Variants in COL25A1 observed in about 807,000 individuals in gnomAD.
COL25A1 encodes collagen alpha-1(XXV) chain.
In COL25A1, 103 loss-of-function variants were observed where a neutral mutation model predicts 128.4. The ratio of observed to expected loss-of-function variants is 0.80; its 90% CI spans 0.68 to 0.94. The LOEUF (loss-of-function observed/expected upper bound fraction) is 0.94. COL25A1 is among the 40% of genes least tolerant of loss of function. COL25A1 has a pLI of 0.00. For synonymous variants in COL25A1, 279 were observed against 277.2 expected (o/e 1.01, Z -0.06); for missense variants, 745 against 840.0 (o/e 0.89, Z 1.40).
At chr4:109,176,039 T>G (rs1320259377) in intron 3 of COL25A1, among the ~76,000 whole-genome samples, 1 of 152,208 alleles carries the variant, frequency 6.6e-6, no homozygotes, top group Non-Finnish European at 1.5e-5. Context: ...CATTCATCTA[T>G]TCAGCACACA....
chr4:109,045,247 T>C (rs1198440798), intron 5 of COL25A1, among the ~76,000 whole-genome samples: 2 of 152,186 alleles, frequency 1.3e-5, no homozygotes, highest in South Asian at 4.1e-4. Flanking sequence ...TAGTAGGTTA[T>C]TGGTAGTAAC....
At chr4:109,253,904 G>A (rs1033900344) in intron 3 of COL25A1, among the ~76,000 whole-genome samples, 8 of 151,972 alleles carry the variant, frequency 5.3e-5, no homozygotes, top group South Asian at 2.1e-4. Context: ...TGGCTAACAC[G>A]GTGAAACCCT....
intron 3 of COL25A1, among the ~76,000 whole-genome samples, chr4:109,130,383 G>T (rs903594933): frequency 1.3e-5 from 2 of 152,000 alleles, no homozygotes; most frequent in African/African-American, 4.8e-5. Context: ...ATTATAAATA[G>T]TAATAGAAGG....
At chr4:109,042,081 C>T (rs1053797043) in intron 5 of COL25A1, among the ~76,000 whole-genome samples, 3 of 151,980 alleles carry the variant, frequency 2.0e-5, no homozygotes, top group Non-Finnish European at 4.4e-5. Flanking sequence ...AATTTTTTTA[C>T]TTTAACAGCC....
chr4:108,977,815 C>T (rs1752584734), intron 6 of COL25A1, among the ~76,000 whole-genome samples: 1 of 152,168 alleles, frequency 6.6e-6, no homozygotes. Context: ...ACGACCTCTA[C>T]AAAACTCAGC....
intron 3 of COL25A1, among the ~76,000 whole-genome samples, chr4:109,270,763 C>G (rs1026413498): frequency 6.6e-6 from 1 of 152,118 alleles, no homozygotes; most frequent in Non-Finnish European, 1.5e-5. Flanking sequence ...TGAGACTATA[C>G]TATGTGTCAG....
intron 3 of COL25A1, among the ~76,000 whole-genome samples, chr4:109,067,151 G>A (rs567697475): frequency 1.2e-4 from 19 of 152,178 alleles, no homozygotes; most frequent in Non-Finnish European, 2.4e-4. Context: ...GTCCCAAGAG[G>A]GAACTCTTTT....
intron 3 of COL25A1, among the ~76,000 whole-genome samples, chr4:109,091,128 G>T (rs561709913): frequency 6.6e-6 from 1 of 152,252 alleles, no homozygotes; most frequent in South Asian, 2.1e-4. Context: ...TCAGAATAAA[G>T]TCTAGTCAAC....
chr4:109,232,162 C>T (rs1042133170), intron 3 of COL25A1, among the ~76,000 whole-genome samples: 1 of 151,998 alleles, frequency 6.6e-6, no homozygotes, highest in African/African-American at 2.4e-5. Flanking sequence ...ATCCTAAGTA[C>T]AAAAATCAAT....
chr4:109,299,480 T>A (rs1725306478), intron 3 of COL25A1, among the ~76,000 whole-genome samples: 1 of 152,178 alleles, frequency 6.6e-6, no homozygotes, highest in African/African-American at 2.4e-5. Flanking sequence ...AAAATTTGTA[T>A]AAGGTACAAC....
intron 3 of COL25A1, among the ~76,000 whole-genome samples, chr4:109,258,662 CAAT>C (rs1190392408): frequency 1.3e-5 from 2 of 152,038 alleles, no homozygotes; most frequent in African/African-American, 4.8e-5. Context: ...ATGTTACTAA[CAAT>C]AATAATGATA....
intron 3 of COL25A1, among the ~76,000 whole-genome samples, chr4:109,113,363 A>G (rs1010012377): frequency 1.3e-5 from 2 of 152,088 alleles, no homozygotes; most frequent in African/African-American, 4.8e-5. Flanking sequence ...GTGATCCTCT[A>G]ATAACACAAG....
chr4:109,057,523 C>T (rs774945786), intron 3 of COL25A1, among the ~76,000 whole-genome samples: 4 of 141,322 alleles, frequency 2.8e-5, no homozygotes, highest in Admixed American at 7.7e-5. Flanking sequence ...TTCAGGTGAC[C>T]TGCCGGCCTT....
chr4:109,068,755 C>T (rs1404369715), intron 3 of COL25A1, among the ~76,000 whole-genome samples: 2 of 152,068 alleles, frequency 1.3e-5, no homozygotes, highest in Non-Finnish European at 2.9e-5. Context: ...TATGACCTCA[C>T]GAAGTATTTA....
At chr4:109,241,366 T>C (rs964033475) in intron 3 of COL25A1, among the ~76,000 whole-genome samples, 5 of 152,178 alleles carry the variant, frequency 3.3e-5, no homozygotes, top group East Asian at 1.9e-4. Flanking sequence ...TCATCTAATA[T>C]GGTTTGTGTT....
chr4:109,211,298 A>ATATATATATATATATATGAAAC (rs2126196969), intron 3 of COL25A1, among the ~76,000 whole-genome samples: 1 of 46,262 alleles, frequency 2.2e-5, no homozygotes, highest in South Asian at 5.2e-4. Flanking sequence ...AACTATATAT[A>ATATATATATATATATATGAAAC]TATATATATA....
At chr4:108,873,829 G>A (rs1739105226) in intron 19 of COL25A1, among the ~76,000 whole-genome samples, 1 of 152,024 alleles carries the variant, frequency 6.6e-6, no homozygotes, top group Non-Finnish European at 1.5e-5. Flanking sequence ...AGATAGAAAA[G>A]TGATGAGTTT....
At chr4:109,245,637 G>C (rs559481843) in intron 3 of COL25A1, among the ~76,000 whole-genome samples, 216 of 152,194 alleles carry the variant, frequency 1.4e-3, no homozygotes, top group African/African-American at 5.0e-3. Context: ...GGGTTCATGA[G>C]TACAGCGGCA....
intron 3 of COL25A1, among the ~76,000 whole-genome samples, chr4:109,276,769 C>A (rs1722893038): frequency 2.0e-5 from 3 of 152,108 alleles, no homozygotes; most frequent in African/African-American, 7.2e-5. Context: ...AAAAGAAAGC[C>A]ATTTTTAAAC....
Sources: allele counts gnomAD v4.1 joint callset (sites outside exome capture counted in the v4.1 genomes callset), GRCh38; gene constraint gnomAD v4.1.1; transcripts MANE v1.5; gene names NCBI Gene and HGNC (gene_info 2026-07-23, HGNC 2026-07-21).